Variants in NCAM1 observed in about 807,000 individuals in gnomAD.
NCAM1 encodes antigen recognized by monoclonal antibody 5.1H11.
NCAM1 carries 14 observed loss-of-function variants against 109.8 expected under a neutral mutation model. The observed-to-expected ratio is 0.13, with a 90% CI of 0.08 to 0.20. The LOEUF is 0.20. NCAM1 is among the 10% of genes least tolerant of loss of function. The pLI is 1.00. For missense variants in NCAM1, 774 were observed against 1,109.9 expected, an observed-to-expected ratio of 0.70 and a Z score of 4.30; for synonymous variants, 418 against 442.9, an observed-to-expected ratio of 0.94 and a Z score of 0.70.
Position 113,185,068 on chromosome 11 carries a change from T to TTTTATATATATATATATATA in NCAM1, c.53-17310_53-17309insTTATATATATATATATATAT, listed in dbSNP as rs1555108651. ...TATGTGTATGTGTGTGCATTTATAT[T>TTTTATATATATATATATATA]TATATATATATAGAGAGAGAGAGAG... On this transcript the variant is annotated intron_variant, in intron 1 of 19. Transcript: ENST00000316851. 1.9e-4 allele frequency among the ~76,000 whole-genome samples: 19 copies of TTTTATATATATATATATATA among 99,638 alleles called. No individual in the cohort carries two copies. In the East Asian group the frequency reaches 4.9e-3, roughly 25 times the overall value. 65.4% of individuals were successfully genotyped at this position (99,638 alleles called of 152,430 possible).
intron 1 of NCAM1, among the ~76,000 whole-genome samples, chr11:113,037,545 C>T (rs1182266246): frequency 1.3e-5 from 2 of 152,172 alleles, no homozygotes; most frequent in Non-Finnish European, 2.9e-5. Flanking sequence ...GACCCCTGAA[C>T]ACAGGGTCTG....
intron 17 of NCAM1, chr11:113,262,851 T>C (rs1421430964): frequency 3.7e-6 from 6 of 1,613,780 alleles, no homozygotes; most frequent in Non-Finnish European, 5.1e-6. Context: ...TGCAGCAACC[T>C]TGGGAGGCAA....
rs1322318211 is a variant in NCAM1, at chr11:113,264,795, G to A, written c.2131+4472G>A. 5 of 985,316 alleles carry A rather than the reference G, an allele frequency of 5.1e-6. No homozygotes were observed. The East Asian group carries it at 4.5e-4, about 89-fold the overall frequency. 61.0% of individuals were successfully genotyped at this position (985,316 alleles called of 1,614,324 possible). ...CAGGCCTCAGCTGAAACAATGTCAG[G>A]GTCCTCAAGGGTCCCATTTAGACAG... On this transcript the variant is annotated intron_variant, in intron 17 of 19. Coordinates refer to ENST00000316851, the MANE Select transcript of NCAM1 (RefSeq NM_181351.5).
intron 1 of NCAM1, among the ~76,000 whole-genome samples, chr11:113,088,905 G>A (rs1939213875): frequency 1.3e-5 from 2 of 152,056 alleles, no homozygotes; most frequent in Admixed American, 1.3e-4. Flanking sequence ...TTTGATTTGG[G>A]CTAAGATAGC....
chr11:113,138,982 G>C (rs1941713562), intron 1 of NCAM1, among the ~76,000 whole-genome samples: 1 of 152,162 alleles, frequency 6.6e-6, no homozygotes, highest in Non-Finnish European at 1.5e-5. Flanking sequence ...TTCTGATATG[G>C]AGGCAAATTG....
chr11:112,978,363 A>G (rs1555068040), intron 1 of NCAM1, among the ~76,000 whole-genome samples: 1 of 151,808 alleles, frequency 6.6e-6, no homozygotes, highest in Non-Finnish European at 1.5e-5. Flanking sequence ...CCTGGAAGAT[A>G]TTTGTCCACC....
chr11:113,003,224 C>T (rs1352868623), intron 1 of NCAM1, among the ~76,000 whole-genome samples: 3 of 152,236 alleles, frequency 2.0e-5, no homozygotes, highest in Non-Finnish European at 4.4e-5. Context: ...CTCTCTCTCA[C>T]TCTGTGTGTT....
chr11:113,275,230 G>A (rs781906925), intron 19 of NCAM1, 37 bp from the exon 20 acceptor site: 18 of 1,611,486 alleles, frequency 1.1e-5, no homozygotes, highest in Middle Eastern at 3.3e-4. Context: ...TCTGCAGACC[G>A]TGGTCTCAGT....
At chr11:113,084,776 A>G (rs1461034625) in intron 1 of NCAM1, among the ~76,000 whole-genome samples, 1 of 152,180 alleles carries the variant, frequency 6.6e-6, no homozygotes, top group Non-Finnish European at 1.5e-5. Flanking sequence ...CCTCCCACAT[A>G]CCAGCCATCT....
intron 14 of NCAM1, 43 bp downstream of exon 14, chr11:113,235,207 T>C (rs369539875): frequency 6.2e-7 from 1 of 1,613,366 alleles, no homozygotes; most frequent in African/African-American, 1.3e-5. Context: ...CCCACCTTCT[T>C]CTCCCTGGGG....
At chr11:112,968,349 C>G (rs1032908854) in intron 1 of NCAM1, among the ~76,000 whole-genome samples, 9 of 152,036 alleles carry the variant, frequency 5.9e-5, no homozygotes, top group South Asian at 2.1e-4. Context: ...TGTAAGTGCC[C>G]GATTGGCAGG....
chr11:113,068,856 G>T (rs1436607821), intron 1 of NCAM1, among the ~76,000 whole-genome samples: 1 of 152,196 alleles, frequency 6.6e-6, no homozygotes, highest in Middle Eastern at 3.4e-3. Flanking sequence ...CCTTAAATGA[G>T]CATAATAGTA....
At chr11:113,059,283 A>G (rs531026529) in intron 1 of NCAM1, among the ~76,000 whole-genome samples, 3 of 152,374 alleles carry the variant, frequency 2.0e-5, no homozygotes, top group East Asian at 3.9e-4. Flanking sequence ...AGCCAAGCCC[A>G]TGGGACAGTG....
chr11:113,092,452 T>C (rs1272107172), intron 1 of NCAM1, among the ~76,000 whole-genome samples: 1 of 152,150 alleles, frequency 6.6e-6, no homozygotes, highest in Non-Finnish European at 1.5e-5. Flanking sequence ...CCTTTTATTA[T>C]GATGATTTTA....
intron 1 of NCAM1, among the ~76,000 whole-genome samples, chr11:112,967,001 C>T (rs1008393145): frequency 5.9e-5 from 9 of 152,290 alleles, no homozygotes; most frequent in Admixed American, 1.3e-4. Flanking sequence ...ACCCATTATG[C>T]ATTCTATTTT....
chr11:112,992,373 G>A (rs1231662329), intron 1 of NCAM1, among the ~76,000 whole-genome samples: 3 of 151,654 alleles, frequency 2.0e-5, no homozygotes, highest in Non-Finnish European at 4.4e-5. Context: ...ATATTTTTAT[G>A]TTTTAAACTT....
chr11:113,041,923 C>T (rs1478399223), intron 1 of NCAM1, among the ~76,000 whole-genome samples: 4 of 152,166 alleles, frequency 2.6e-5, no homozygotes, highest in Admixed American at 2.6e-4. Context: ...AGAGTCCCCT[C>T]AGCTTTTCTC....
intron 1 of NCAM1, among the ~76,000 whole-genome samples, chr11:113,200,384 A>G (rs1944012022): frequency 6.6e-6 from 1 of 152,174 alleles, no homozygotes; most frequent in Non-Finnish European, 1.5e-5. Flanking sequence ...TCCCCAAGAT[A>G]CGATGGGCCC....
intron 1 of NCAM1, among the ~76,000 whole-genome samples, chr11:113,168,996 G>A (rs114099185): frequency 0.015 from 2,277 of 151,988 alleles, 56 homozygotes; most frequent in African/African-American, 0.052. Context: ...GCTTGTGTGC[G>A]TATTAAAGAG....
Sources: allele counts gnomAD v4.1 joint callset (sites outside exome capture counted in the v4.1 genomes callset), GRCh38; gene constraint gnomAD v4.1.1; transcripts MANE v1.5; gene names NCBI Gene and HGNC (gene_info 2026-07-23, HGNC 2026-07-21).